The following FBXO34 variants were observed in gnomAD, a reference collection of about 807,000 sequenced individuals.
The protein encoded by FBXO34 is F-box only protein 34.
FBXO34 carries 12 observed loss-of-function variants against 24.5 expected under a neutral mutation model. The observed-to-expected ratio is 0.49, with a 90% CI of 0.31 to 0.79. The LOEUF (loss-of-function observed/expected upper bound fraction) is 0.79. FBXO34 is among the 30% of genes least tolerant of loss of function. FBXO34 has a pLI of 0.04. For synonymous variants in FBXO34, 320 were observed against 311.9 expected, an observed-to-expected ratio of 1.03 and a Z score of -0.27; for missense variants, 823 against 857.7, an observed-to-expected ratio of 0.96 and a Z score of 0.51.
chr14:55,358,145 A>T (rs17674463), downstream of FBXO34, among the ~76,000 whole-genome samples: 64,884 of 151,740 alleles, frequency 0.43, 14,117 homozygotes, highest in African/African-American at 0.46. Context: ...CTTGAGCAAT[A>T]CCCTTTCTCT....
chr14:55,287,359 C>G (rs755744282), intron 1 of FBXO34, among the ~76,000 whole-genome samples: 41 of 152,166 alleles, frequency 2.7e-4, no homozygotes, highest in Non-Finnish European at 5.0e-4. Flanking sequence ...TTTAGCATCA[C>G]CATCACACTC....
the FBXO34 span, chr14:55,435,802 T>C: frequency 7.7e-7 from 1 of 1,305,220 alleles, no homozygotes; most frequent in African/African-American, 1.5e-5. Flanking sequence ...GAAAAGTAAA[T>C]CTAAAGAGAA....
the FBXO34 span, among the ~76,000 whole-genome samples, chr14:55,398,174 A>C: frequency 2.6e-5 from 4 of 151,940 alleles, no homozygotes; most frequent in Non-Finnish European, 4.4e-5. Context: ...GATGGTCTCG[A>C]TCTCCTGACC....
chr14:55,340,776 A>G (rs1883965558), intron 1 of FBXO34, among the ~76,000 whole-genome samples: 1 of 152,160 alleles, frequency 6.6e-6, no homozygotes, highest in Admixed American at 6.5e-5. Flanking sequence ...CTTATTTTTC[A>G]TATCAAATGT....
chr14:55,404,194 C>A, the FBXO34 span, among the ~76,000 whole-genome samples: 1 of 152,170 alleles, frequency 6.6e-6, no homozygotes, highest in Non-Finnish European at 1.5e-5. Context: ...ACTACAAATT[C>A]ATCTGAAAAA....
chr14:55,323,225 A>ATATATATATATATTTATTTTTTTT (rs1555337925), intron 1 of FBXO34, among the ~76,000 whole-genome samples: 1 of 19,204 alleles, frequency 5.2e-5, no homozygotes, highest in African/African-American at 1.0e-3. Context: ...AAAAATATAT[A>ATATATATATATATTTATTTTTTTT]TTTTTTTTTT....
chr14:55,417,703 C>T, the FBXO34 span, among the ~76,000 whole-genome samples: 1 of 152,190 alleles, frequency 6.6e-6, no homozygotes, highest in Non-Finnish European at 1.5e-5. Flanking sequence ...CTCAAGTGAT[C>T]TGCCCACCTT....
At chr14:55,383,588 CAAAA>C in the FBXO34 span, among the ~76,000 whole-genome samples, 2 of 149,330 alleles carry the variant, frequency 1.3e-5, no homozygotes, top group African/African-American at 2.5e-5. Context: ...ACAACAACAA[CAAAA>C]AAAACCCCCA....
At chr14:55,396,392 GTT>G in the FBXO34 span, among the ~76,000 whole-genome samples, 1 of 152,176 alleles carries the variant, frequency 6.6e-6, no homozygotes, top group East Asian at 1.9e-4. Flanking sequence ...GAAAAATAAA[GTT>G]TTTGTGTTTG....
At chr14:55,425,667 C>A in the FBXO34 span, among the ~76,000 whole-genome samples, 1 of 152,132 alleles carries the variant, frequency 6.6e-6, no homozygotes, top group Non-Finnish European at 1.5e-5. Context: ...CAACTTTGAC[C>A]CATCCTTCAA....
At chr14:55,430,201 C>G in the FBXO34 span, among the ~76,000 whole-genome samples, 1 of 152,000 alleles carries the variant, frequency 6.6e-6, no homozygotes, top group Non-Finnish European at 1.5e-5. Context: ...AATTCCACCC[C>G]CCTCATGGGT....
At chr14:55,413,927 T>G in the FBXO34 span, 1 of 470,838 alleles carries the variant, frequency 2.1e-6, no homozygotes, top group Admixed American at 2.2e-5. Context: ...AAAGCAGCCA[T>G]TCCCTTGATG....
chr14:55,341,879 T>C (rs974123997), intron 1 of FBXO34, among the ~76,000 whole-genome samples: 4 of 152,198 alleles, frequency 2.6e-5, no homozygotes, highest in Non-Finnish European at 5.9e-5. Context: ...GTCTCTATCC[T>C]GAAGTGTTAT....
chr14:55,275,395 C>T (rs10139337), intron 1 of FBXO34, among the ~76,000 whole-genome samples: 54,780 of 151,914 alleles, frequency 0.36, 10,498 homozygotes, highest in Non-Finnish European at 0.42. Context: ...ATTTCTGTGC[C>T]AGGTACTCAG....
chr14:55,298,627 G>A, intron 1 of FBXO34: 1 of 1,317,544 alleles, frequency 7.6e-7, no homozygotes, highest in South Asian at 1.3e-5. Flanking sequence ...GGGCGTTGAA[G>A]GCTGGCGCGG....
At chr14:55,297,502 C>A (rs1393129346) in intron 1 of FBXO34, among the ~76,000 whole-genome samples, 1 of 152,138 alleles carries the variant, frequency 6.6e-6, no homozygotes. Context: ...TGTTAAATGC[C>A]TAGCATATAG....
the FBXO34 span, chr14:55,378,050 G>A: frequency 6.2e-7 from 1 of 1,612,740 alleles, no homozygotes; most frequent in South Asian, 1.1e-5. Context: ...ATTTCTGCTT[G>A]CTTAGATTTT....
At chr14:55,378,914 CCCAGGCTGGTCT>C in the FBXO34 span, among the ~76,000 whole-genome samples, 1 of 151,984 alleles carries the variant, frequency 6.6e-6, no homozygotes, top group Non-Finnish European at 1.5e-5. Flanking sequence ...CACTATGTTT[CCCAGGCTGGTCT>C]CTAACTCCTG....
chr14:55,331,841 A>G (rs529347387), intron 1 of FBXO34, among the ~76,000 whole-genome samples: 1 of 45,962 alleles, frequency 2.2e-5, no homozygotes, highest in African/African-American at 1.2e-4. Context: ...ATATAAAAAT[A>G]TATATATACA....
Sources: gnomAD v4.1 joint callset for allele counts (sites outside exome capture counted in the v4.1 genomes callset) on GRCh38, gnomAD v4.1.1 for gene constraint, MANE v1.5 for transcripts, NCBI Gene and HGNC (gene_info 2026-07-23, HGNC 2026-07-21) for gene names.